The following IL16 variants were observed in gnomAD, a reference collection of about 807,000 sequenced individuals.
IL16 encodes interleukin 16.
A neutral mutation model predicts 110.1 loss-of-function variants in IL16; 67 were observed. The observed-to-expected ratio is 0.61, with a 90% CI of 0.50 to 0.75. IL16 has a LOEUF of 0.75. IL16 is among the 30% of genes least tolerant of loss of function. The pLI, the probability that IL16 is intolerant of heterozygous loss-of-function variation, is 0.00. For synonymous variants in IL16, 689 were observed against 662.9 expected (o/e 1.04, Z -0.61); for missense variants, 1,545 against 1,655.0 (o/e 0.93, Z 1.15).
At chr15:81,289,184 T>C (rs1746907108) in intron 10 of IL16, among the ~76,000 whole-genome samples, 1 of 152,204 alleles carries the variant, frequency 6.6e-6, no homozygotes, top group Admixed American at 6.5e-5. Flanking sequence ...TCTCACTCTG[T>C]CACCCAGGCT....
chr15:81,252,015 T>C lies in IL16; in HGVS notation c.313-7757T>C, dbSNP rs151184829. 7.2e-3 allele frequency among the ~76,000 whole-genome samples: 1,091 copies of C among 152,320 alleles called. 18 individuals carry two copies. Among genetic ancestry groups the C allele is most frequent in the African/African-American group, 0.024 (1,017 of 41,552 alleles). ...GTTTGAAAACAACTGTAAACAACTA[T>C]GGATATTTTAATCCTTCCTAGGGTC... is the stretch of plus-strand genomic sequence containing the variant. On this transcript the variant is annotated intron_variant, in intron 2 of 18. Transcript: ENST00000683961.
intron 1 of IL16, among the ~76,000 whole-genome samples, chr15:81,200,724 T>C (rs564883529): frequency 1.7e-4 from 26 of 152,036 alleles, no homozygotes; most frequent in African/African-American, 6.0e-4. Flanking sequence ...CTGGGTGGAG[T>C]TTGGAATGGT....
rs978038165 is a variant in IL16 at position 81,312,132 on chromosome 15, G to A, written c.*3334G>A. ...TCTTTCTTACAAGGAAGGTGGTGGGGGTGCAGATGAGGTTGCTAGAGAATG... is the reference window on the plus strand; with the variant it reads ...TCTTTCTTACAAGGAAGGTGGTGGGAGTGCAGATGAGGTTGCTAGAGAATG... On this transcript the variant is annotated 3_prime_UTR_variant, in exon 19 of 19. Transcript: ENST00000683961. 1 of 152,252 alleles carries A rather than the reference G, an allele frequency of 6.6e-6. No individual in the cohort carries two copies. Among genetic ancestry groups the A allele is most frequent in the Non-Finnish European group, 1.5e-5 (1 of 68,082 alleles). The allele number at this position is 152,252 out of a possible 1,614,324, so 9.4% of individuals were successfully genotyped here.
intron 2 of IL16, among the ~76,000 whole-genome samples, chr15:81,246,377 C>A (rs892102543): frequency 2.4e-4 from 36 of 152,160 alleles, no homozygotes; most frequent in African/African-American, 8.4e-4. Flanking sequence ...CTTTTCTATT[C>A]TCTCTTTCTT....
chr15:81,193,907 C>T (rs1296715847), upstream of IL16, among the ~76,000 whole-genome samples: 2 of 152,056 alleles, frequency 1.3e-5, no homozygotes, highest in African/African-American at 4.8e-5. Context: ...GGTTACATTA[C>T]TAGTAACATT....
rs754278735 is a variant in IL16, at chr15:81,207,525, AC to A, written c.-102+10378del. On this transcript the variant is annotated intron_variant, in intron 1 of 18. Transcript: ENST00000683961. ...TTAACCCACGCCCCACCTCCCACCC[AC>A]CCCCTCTAGTAGTCCATGGTGTCTG... 4.8e-4 allele frequency among the ~76,000 whole-genome samples: 60 copies of A among 123,884 alleles called. 1 individual carries two copies. The highest frequency in any genetic ancestry group is 9.5e-4 in the Non-Finnish European group (56 of 59,092). 81.3% of individuals were successfully genotyped at this position (123,884 alleles called of 152,430 possible). A position where few individuals can be genotyped will look rare whatever the true frequency, so the allele number is the denominator to read the frequency against.
At chr15:81,257,022 C>T (rs1897972608) in intron 2 of IL16, among the ~76,000 whole-genome samples, 1 of 152,188 alleles carries the variant, frequency 6.6e-6, no homozygotes, top group African/African-American at 2.4e-5. Context: ...CAGAGAACGA[C>T]TCATTATGCT....
At chr15:81,213,197 G>A (rs1450509751) in intron 1 of IL16, among the ~76,000 whole-genome samples, 1 of 152,128 alleles carries the variant, frequency 6.6e-6, no homozygotes, top group Non-Finnish European at 1.5e-5. Context: ...ATGTAGTTTT[G>A]AGAAAGCTTC....
intron 2 of IL16, among the ~76,000 whole-genome samples, chr15:81,243,164 T>TATATATACATA (rs60077602): frequency 1.3e-4 from 2 of 15,770 alleles, no homozygotes; most frequent in East Asian, 1.3e-3. Context: ...TATATATATA[T>TATATATACATA]TTTTTTTTTT....
intron 1 of IL16, among the ~76,000 whole-genome samples, chr15:81,212,479 A>C (rs1896284981): frequency 6.6e-6 from 1 of 151,638 alleles, no homozygotes; most frequent in Non-Finnish European, 1.5e-5. Flanking sequence ...ATTTCTATTT[A>C]TTTATTTTTT....
chr15:81,296,578 G>A (rs965719502), intron 12 of IL16, among the ~76,000 whole-genome samples: 1 of 152,158 alleles, frequency 6.6e-6, no homozygotes, highest in Non-Finnish European at 1.5e-5. Flanking sequence ...CCCTCCCGGG[G>A]TGGGTAGTTC....
At chr15:81,258,300 TACTG>T (rs5814050) in intron 2 of IL16, among the ~76,000 whole-genome samples, 3,823 of 152,302 alleles carry the variant, frequency 0.025, 165 homozygotes, top group African/African-American at 0.088. Context: ...TCTGTTTCAT[TACTG>T]ACCCTGGTAT....
At chr15:81,258,526 C>T (rs1898028859) in intron 2 of IL16, among the ~76,000 whole-genome samples, 1 of 152,032 alleles carries the variant, frequency 6.6e-6, no homozygotes, top group Non-Finnish European at 1.5e-5. Context: ...CATGATGAAA[C>T]TCCGTCTCTA....
intron 2 of IL16, among the ~76,000 whole-genome samples, chr15:81,241,025 C>T (rs893938337): frequency 3.9e-5 from 6 of 151,902 alleles, no homozygotes; most frequent in African/African-American, 1.2e-4. Flanking sequence ...ACAGTTAGCC[C>T]ATTGTTCCAG....
At position 81,303,364 on chromosome 15, in the gene IL16, G is replaced by T; in HGVS notation, c.3319-185G>T. ...TACATACATTTTTTTTTTCTTCTAA[G>T]CTTCCCATGACTCCTGAAGGTCCAT... On this transcript the variant is annotated intron_variant, in intron 15 of 18. Coordinates refer to ENST00000683961, the MANE Select transcript of IL16 (RefSeq NM_172217.5). The surrounding 1 kb of genome is among the most constrained non-coding windows in gnomAD (Gnocchi z 4.1). The T allele has an allele frequency of 3.6e-6, 2 of 561,674 alleles. No homozygotes were observed. The highest frequency in any genetic ancestry group is 2.3e-5 in the South Asian group (1 of 44,434). 34.8% of individuals were successfully genotyped at this position (561,674 alleles called of 1,614,324 possible). A position where few individuals can be genotyped will look rare whatever the true frequency, so the allele number is the denominator to read the frequency against.
chr15:81,187,919 G>A (rs139803379), intron 1 of IL16, among the ~76,000 whole-genome samples: 4 of 152,268 alleles, frequency 2.6e-5, no homozygotes, highest in Admixed American at 2.0e-4. Flanking sequence ...GGCTATCTCT[G>A]GGCTTGGGAT....
rs752687540 is a variant in IL16 at position 81,299,840 on chromosome 15, C to T, written c.2514C>T (p.Ser838=). 1 of 1,613,956 alleles carries T rather than the reference C, an allele frequency of 6.2e-7. No individual in the cohort carries two copies. Among genetic ancestry groups the T allele is most frequent in the Non-Finnish European group, 8.5e-7 (1 of 1,180,032 alleles). The change falls in exon 14 of 19, where the codon TCC becomes TCT. Residue 838 remains serine (S), a synonymous_variant. Transcript: ENST00000683961. ...TCCGGGCCTCCTCCTCCTCCTCCTCCATCAGGCAGAGAATCAGCTCCTTTG... is the reference window on the plus strand; with the variant it reads ...TCCGGGCCTCCTCCTCCTCCTCCTCTATCAGGCAGAGAATCAGCTCCTTTG... ...SHIRASSSSS[S]IRQRISSFET...
At chr15:81,191,148 T>G (rs1287753402) in intron 1 of IL16, among the ~76,000 whole-genome samples, 1 of 152,204 alleles carries the variant, frequency 6.6e-6, no homozygotes, top group Non-Finnish European at 1.5e-5. Flanking sequence ...TATCTCTGAG[T>G]ACTTTTTATT....
intron 1 of IL16, among the ~76,000 whole-genome samples, chr15:81,186,784 T>A (rs753626648): frequency 3.9e-5 from 6 of 152,202 alleles, no homozygotes; most frequent in Non-Finnish European, 8.8e-5. Context: ...CATCTCTCCA[T>A]CCCTCTGTCC....
Sources: gnomAD v4.1 joint callset for allele counts (sites outside exome capture counted in the v4.1 genomes callset) on GRCh38, gnomAD v4.1.1 for gene constraint, Gnocchi (gnomAD v3.1) non-coding constraint, MANE v1.5 for transcripts, NCBI Gene and HGNC (gene_info 2026-07-23, HGNC 2026-07-21) for gene names.